CAMKMT: variants seen among roughly 807,000 people sequenced by gnomAD.
CAMKMT encodes calmodulin-lysine N-methyltransferase, also known as CaM KMT.
A neutral mutation model predicts 48.0 loss-of-function variants in CAMKMT; 53 were observed. That is an observed-to-expected ratio of 1.10 (90% CI 0.89 to 1.39). CAMKMT has a LOEUF of 1.39. Ranked by LOEUF, CAMKMT falls within the 40% of genes most tolerant of loss-of-function variation. The probability of loss-of-function intolerance (pLI) is 0.00; values close to 1 mark genes in which losing one functional copy is unlikely to be tolerated. For synonymous variants in CAMKMT, 165 were observed against 152.3 expected (o/e 1.08, Z -0.61); for missense variants, 428 against 402.7 (o/e 1.06, Z -0.54).
intron 3 of CAMKMT, among the ~76,000 whole-genome samples, chr2:44,625,396 T>C (rs1436702216): frequency 6.6e-6 from 1 of 152,188 alleles, no homozygotes. Flanking sequence ...ATACATTTAA[T>C]AAATACATAT....
At chr2:44,512,406 G>A (rs568539723) in intron 3 of CAMKMT, among the ~76,000 whole-genome samples, 25 of 152,284 alleles carry the variant, frequency 1.6e-4, no homozygotes, top group African/African-American at 5.8e-4. Flanking sequence ...TAAATGAGTG[G>A]CAGCCATTAT....
chr2:44,398,721 G>C (rs910708099), intron 3 of CAMKMT, among the ~76,000 whole-genome samples: 6 of 132,726 alleles, frequency 4.5e-5, no homozygotes, highest in African/African-American at 1.8e-4. Flanking sequence ...CACCCAAAGA[G>C]CTCAACTAAA....
intron 3 of CAMKMT, among the ~76,000 whole-genome samples, chr2:44,538,423 C>G (rs1348432069): frequency 2.0e-5 from 3 of 151,302 alleles, no homozygotes; most frequent in Non-Finnish European, 4.4e-5. Flanking sequence ...TATATATACA[C>G]CATGGCATAC....
At chr2:44,728,594 T>C (rs986626518) in intron 7 of CAMKMT, among the ~76,000 whole-genome samples, 1 of 152,140 alleles carries the variant, frequency 6.6e-6, no homozygotes, top group Non-Finnish European at 1.5e-5. Flanking sequence ...ATTTCAGAAG[T>C]TGATGTTGGT....
At chr2:44,541,278 T>G (rs1453050231) in intron 3 of CAMKMT, among the ~76,000 whole-genome samples, 1 of 152,202 alleles carries the variant, frequency 6.6e-6, no homozygotes, top group Non-Finnish European at 1.5e-5. Flanking sequence ...ATTTATAAAT[T>G]AGCTTAGAGA....
At chr2:44,566,067 A>G (rs1366839098) in intron 3 of CAMKMT, among the ~76,000 whole-genome samples, 1 of 152,230 alleles carries the variant, frequency 6.6e-6, no homozygotes, top group Non-Finnish European at 1.5e-5. Context: ...TTTTATGTCA[A>G]TTAAACATTT....
intron 3 of CAMKMT, among the ~76,000 whole-genome samples, chr2:44,495,182 C>T (rs2104724423): frequency 6.6e-6 from 1 of 152,304 alleles, no homozygotes; most frequent in South Asian, 2.1e-4. Context: ...CTCTGTCACC[C>T]AGGCTAGAAT....
intron 8 of CAMKMT, among the ~76,000 whole-genome samples, chr2:44,752,692 C>A (rs977885752): frequency 6.6e-6 from 1 of 152,188 alleles, no homozygotes; most frequent in Admixed American, 6.5e-5. Flanking sequence ...AAGGCACGGG[C>A]AGGTTGGTGT....
chr2:44,412,998 C>T (rs1167372955), intron 3 of CAMKMT, among the ~76,000 whole-genome samples: 1 of 151,800 alleles, frequency 6.6e-6, no homozygotes, highest in Non-Finnish European at 1.5e-5. Flanking sequence ...ATGGCTTGAA[C>T]CCGGGAAGCA....
At chr2:44,645,753 G>A (rs1346145902) in intron 3 of CAMKMT, among the ~76,000 whole-genome samples, 2 of 152,096 alleles carry the variant, frequency 1.3e-5, no homozygotes, top group South Asian at 2.1e-4. Flanking sequence ...CCTGGGAGGC[G>A]GAGGCTGCAG....
intron 3 of CAMKMT, among the ~76,000 whole-genome samples, chr2:44,636,321 G>T (rs1016166966): frequency 1.3e-5 from 2 of 152,192 alleles, no homozygotes; most frequent in African/African-American, 4.8e-5. Flanking sequence ...ATTAGGATGA[G>T]TTATTCCAAA....
chr2:44,380,826 C>G (rs951532624), intron 2 of CAMKMT, among the ~76,000 whole-genome samples: 6 of 152,010 alleles, frequency 3.9e-5, no homozygotes, highest in Non-Finnish European at 7.4e-5. Context: ...ACTGCCTACC[C>G]CCTTAAAAAG....
chr2:44,579,469 A>G (rs748115378), intron 3 of CAMKMT, among the ~76,000 whole-genome samples: 1 of 152,214 alleles, frequency 6.6e-6, no homozygotes, highest in Non-Finnish European at 1.5e-5. Context: ...GAGGCAAAGC[A>G]TTTTAATGTA....
intron 3 of CAMKMT, among the ~76,000 whole-genome samples, chr2:44,526,354 T>C (rs1671403204): frequency 6.6e-6 from 1 of 152,170 alleles, no homozygotes. Flanking sequence ...TACAGAGAAA[T>C]AGAACCAGTA....
At chr2:44,383,785 C>A (rs1680497460) in intron 2 of CAMKMT, among the ~76,000 whole-genome samples, 1 of 152,130 alleles carries the variant, frequency 6.6e-6, no homozygotes, top group African/African-American at 2.4e-5. Flanking sequence ...CAATCCCATC[C>A]AGGTCACTGC....
intron 3 of CAMKMT, among the ~76,000 whole-genome samples, chr2:44,607,154 G>A (rs1671332779): frequency 6.6e-6 from 1 of 152,166 alleles, no homozygotes; most frequent in South Asian, 2.1e-4. Flanking sequence ...CCATGACAGG[G>A]CAGGCTCATC....
chr2:44,760,592 C>G (rs1038522112), intron 9 of CAMKMT, among the ~76,000 whole-genome samples: 1 of 125,692 alleles, frequency 8.0e-6, no homozygotes, highest in Non-Finnish European at 1.6e-5. Context: ...GACTGGGCAA[C>G]AGAGCGAGAT....
intron 9 of CAMKMT, among the ~76,000 whole-genome samples, chr2:44,762,805 C>A (rs1375048509): frequency 6.6e-6 from 1 of 152,098 alleles, no homozygotes; most frequent in Non-Finnish European, 1.5e-5. Flanking sequence ...GGAACTTCTC[C>A]CTCTCCTCTC....
At chr2:44,400,019 C>T (rs1406465267) in intron 3 of CAMKMT, among the ~76,000 whole-genome samples, 3 of 152,076 alleles carry the variant, frequency 2.0e-5, no homozygotes, top group Non-Finnish European at 4.4e-5. Context: ...ACTCTTTATC[C>T]CAGCATAGTA....
Sources: gnomAD v4.1 joint callset for allele counts (sites outside exome capture counted in the v4.1 genomes callset) on GRCh38, gnomAD v4.1.1 for gene constraint, MANE v1.5 for transcripts, NCBI Gene and HGNC (gene_info 2026-07-23, HGNC 2026-07-21) for gene names.